The following PSTPIP2 variants were observed in gnomAD, a reference collection of about 807,000 sequenced individuals.
PSTPIP2 encodes the protein proline-serine-threonine phosphatase-interacting protein 2.
Under a neutral mutation model 63.3 loss-of-function variants are expected in PSTPIP2, and 33 were observed. That is an observed-to-expected ratio of 0.52 (90% CI 0.40 to 0.70). The LOEUF (loss-of-function observed/expected upper bound fraction) is 0.70, where lower values mean the gene tolerates loss of function less well. PSTPIP2 is among the 30% of genes least tolerant of loss of function. PSTPIP2 has a pLI of 0.00. For missense variants in PSTPIP2, 312 were observed against 400.7 expected, an observed-to-expected ratio of 0.78 and a Z score of 1.89; for synonymous variants, 125 against 132.7, an observed-to-expected ratio of 0.94 and a Z score of 0.40.
chr18:45,990,888 T>C, intron 12 of PSTPIP2, 132 bp from the exon 13 acceptor site: 1 of 656,294 alleles, frequency 1.5e-6, no homozygotes, highest in South Asian at 2.1e-5. Context: ...AAAGCTCACC[T>C]AAAGCAAATG....
intron 9 of PSTPIP2, among the ~76,000 whole-genome samples, chr18:45,995,226 C>T (rs558260409): frequency 1.3e-5 from 2 of 152,088 alleles, no homozygotes; most frequent in South Asian, 2.1e-4. Flanking sequence ...GCAATTCTCC[C>T]GCCTCAGGTT....
At chr18:46,032,548 G>C (rs1448713073) in intron 2 of PSTPIP2, among the ~76,000 whole-genome samples, 1 of 152,028 alleles carries the variant, frequency 6.6e-6, no homozygotes, top group Non-Finnish European at 1.5e-5. Flanking sequence ...GAGGTCAAGA[G>C]TTCGAGACTA....
intron 1 of PSTPIP2, among the ~76,000 whole-genome samples, chr18:46,051,312 C>A (rs937160424): frequency 2.0e-5 from 3 of 151,988 alleles, no homozygotes; most frequent in African/African-American, 7.2e-5. Context: ...CCTGTTCCTA[C>A]TAAAAATACA....
chr18:46,021,710 C>T (rs1266512885), intron 3 of PSTPIP2, among the ~76,000 whole-genome samples: 1 of 151,476 alleles, frequency 6.6e-6, no homozygotes, highest in Non-Finnish European at 1.5e-5. Flanking sequence ...CTTTGGGAGG[C>T]CAAGGCGGAT....
intron 1 of PSTPIP2, among the ~76,000 whole-genome samples, chr18:46,058,604 C>T (rs1908863314): frequency 6.6e-6 from 1 of 152,100 alleles, no homozygotes; most frequent in Non-Finnish European, 1.5e-5. Flanking sequence ...CGTGATCCAC[C>T]CACCTTGGCC....
intron 1 of PSTPIP2, among the ~76,000 whole-genome samples, chr18:46,065,560 G>A (rs1391718520): frequency 1.3e-5 from 2 of 152,106 alleles, no homozygotes; most frequent in African/African-American, 4.8e-5. Flanking sequence ...TCCGCCTCCC[G>A]GGTTCAAGTG....
At position 46,003,212 on chromosome 18, in the gene PSTPIP2, A is replaced by C. The variant is rs537690506; in HGVS notation, c.417+2257T>G. On this transcript the variant is annotated intron_variant, in intron 6 of 14. Transcript: ENST00000409746. ...ACTAGACCTCCTTAGACACCATCCC[A>C]GGAGGGAGAGGGTGTACATCATTAT... Among the ~76,000 whole-genome samples, 10 of 152,314 alleles carry C rather than the reference A, an allele frequency of 6.6e-5. No individual in the cohort carries two copies. The South Asian group carries it at 2.1e-3, about 32-fold the overall frequency.
chr18:46,028,952 C>G, intron 2 of PSTPIP2: 1 of 1,201,250 alleles, frequency 8.3e-7, no homozygotes, highest in Non-Finnish European at 1.2e-6. Flanking sequence ...GCTGAACGTC[C>G]TTCTGCTGCT....
At chr18:46,039,156 C>T (rs1248862044) in intron 2 of PSTPIP2, among the ~76,000 whole-genome samples, 1 of 152,134 alleles carries the variant, frequency 6.6e-6, no homozygotes, top group Non-Finnish European at 1.5e-5. Flanking sequence ...TCTTTGGCCC[C>T]AAATCCTCTT....
intron 1 of PSTPIP2, among the ~76,000 whole-genome samples, chr18:46,054,903 C>A (rs899119122): frequency 6.6e-6 from 1 of 151,974 alleles, no homozygotes; most frequent in Non-Finnish European, 1.5e-5. Context: ...GTTATCCACC[C>A]GCCTCAGCCT....
intron 1 of PSTPIP2, among the ~76,000 whole-genome samples, chr18:46,069,759 C>T (rs931657661): frequency 6.6e-6 from 1 of 152,216 alleles, no homozygotes; most frequent in African/African-American, 2.4e-5. Flanking sequence ...GAATGTCCCT[C>T]TCTTGGGCCT....
At chr18:46,028,686 C>T (rs1298602990) in intron 2 of PSTPIP2, 8 of 872,712 alleles carry the variant, frequency 9.2e-6, no homozygotes, top group Non-Finnish European at 1.5e-5. Context: ...CAATCGGTTT[C>T]GGAAAGATAA....
intron 10 of PSTPIP2, 66 bp from the exon 11 acceptor site, chr18:45,992,268 A>C: frequency 7.2e-7 from 1 of 1,392,920 alleles, no homozygotes; most frequent in Non-Finnish European, 1.0e-6. Flanking sequence ...GCTCCTTAAA[A>C]ACATGGGTTT....
intron 6 of PSTPIP2, 31 bp from the exon 7 acceptor site, chr18:45,999,565 C>G: frequency 6.2e-7 from 1 of 1,610,646 alleles, no homozygotes; most frequent in Non-Finnish European, 8.5e-7. Flanking sequence ...AGAACCAAAA[C>G]AAATGAACAG....
intron 1 of PSTPIP2, chr18:46,041,155 A>G: frequency 4.6e-6 from 2 of 436,154 alleles, no homozygotes; most frequent in South Asian, 3.3e-5. Flanking sequence ...GGAGTGGGAG[A>G]ATGGGGCTGT....
intron 1 of PSTPIP2, among the ~76,000 whole-genome samples, chr18:46,069,768 C>T (rs893685920): frequency 9.2e-5 from 14 of 152,320 alleles, no homozygotes; most frequent in South Asian, 4.1e-4. Flanking sequence ...TCTCTTGGGC[C>T]TGTGATAGCT....
At chr18:46,007,386 G>A (rs545471622) in intron 5 of PSTPIP2, among the ~76,000 whole-genome samples, 2 of 152,366 alleles carry the variant, frequency 1.3e-5, no homozygotes, top group East Asian at 3.9e-4. Context: ...CCTGCTAATG[G>A]CGAAGGCAGC....
intron 9 of PSTPIP2, among the ~76,000 whole-genome samples, chr18:45,994,704 C>T (rs759086349): frequency 1.3e-5 from 2 of 152,148 alleles, no homozygotes; most frequent in African/African-American, 2.4e-5. Context: ...CCAGCTTAAA[C>T]ATTTATCAAC....
chr18:46,011,329 T>C lies in PSTPIP2; in HGVS notation c.248-42A>G, dbSNP rs778374046. 26 of 1,427,338 alleles carry C rather than the reference T, an allele frequency of 1.8e-5. No individual in the cohort carries two copies. In the African/African-American group the frequency reaches 2.4e-4, roughly 13 times the overall value. 88.4% of individuals were successfully genotyped at this position (1,427,338 alleles called of 1,614,324 possible). A position where few individuals can be genotyped will look rare whatever the true frequency, so the allele number is the denominator to read the frequency against. On this transcript the variant is annotated intron_variant, in intron 4 of 14. Transcript: ENST00000409746. Reference sequence around the variant, plus strand: ...AAAAAAAAATCAAGGTCTACATATGTCTGAATTAAAATATATAAAATCATA... The same window carrying C: ...AAAAAAAAATCAAGGTCTACATATGCCTGAATTAAAATATATAAAATCATA...
Sources: gnomAD v4.1 joint callset for allele counts (sites outside exome capture counted in the v4.1 genomes callset) on GRCh38, gnomAD v4.1.1 for gene constraint, MANE v1.5 for transcripts, NCBI Gene and HGNC (gene_info 2026-07-23, HGNC 2026-07-21) for gene names.